Variants in LRCH2 observed in about 807,000 individuals in gnomAD.
LRCH2 encodes leucine-rich repeat and calponin homology domain-containing protein 2.
A neutral mutation model predicts 68.9 loss-of-function variants in LRCH2; 38 were observed. That is an observed-to-expected ratio of 0.55 (90% CI 0.43 to 0.72). The LOEUF (loss-of-function observed/expected upper bound fraction) is 0.72. Among genes scored for constraint, LRCH2 ranks in the 30% least tolerant of loss-of-function variants. The probability of loss-of-function intolerance (pLI) is 0.00; values close to 1 mark genes in which losing one functional copy is unlikely to be tolerated. For missense variants in LRCH2, 528 were observed against 572.9 expected, an observed-to-expected ratio of 0.92 and a Z score of 0.80; for synonymous variants, 191 against 208.1, an observed-to-expected ratio of 0.92 and a Z score of 0.71.
chrX:115,113,277 A>T lies in LRCH2; in HGVS notation c.2237T>A (p.Val746Asp). The change falls in exon 21 of 21, where the codon GTC (valine) becomes GAC (aspartate). Residue 746 changes from valine (V) to aspartate (D), a missense_variant. Physicochemically the swap from Val to Asp is radical, Grantham distance 152. Coordinates refer to ENST00000317135, the MANE Select transcript of LRCH2 (RefSeq NM_020871.4). ...LEERGLVKVG[V>D]TVQALLELPT... ...TAATTCAAGGAGCGCCTGAACTGTG[A>T]CACCAACTTTCACAAGTCCTCGTTC... 1 of 1,198,220 alleles carries T rather than the reference A, an allele frequency of 8.3e-7. No homozygotes were observed. Among genetic ancestry groups the T allele is most frequent in the Non-Finnish European group, 1.1e-6 (1 of 886,707 alleles).
At chrX:115,211,172 C>A (rs782390412) in intron 1 of LRCH2, among the ~76,000 whole-genome samples, 1 of 111,455 alleles carries the variant, frequency 9.0e-6, no homozygotes, top group South Asian at 3.8e-4. Flanking sequence ...GAGTCAAGGG[C>A]AGAATTATAT....
intron 20 of LRCH2, among the ~76,000 whole-genome samples, chrX:115,121,632 G>A (rs148182614): frequency 1.4e-3 from 157 of 112,296 alleles, no homozygotes; most frequent in African/African-American, 4.4e-3. Flanking sequence ...CAGCCTGGGC[G>A]ACAGCGTGAG....
In LRCH2 at chrX:115,111,777, C is replaced by A. The variant is rs1556522817; in HGVS notation, c.*1439G>T. ...CAAAAAAAGTACAGTTGTTCCTATA[C>A]CATTTGGCACACTAGTTTTTTACCT... is the stretch of plus-strand genomic sequence containing the variant. On this transcript the variant is annotated 3_prime_UTR_variant, in exon 21 of 21. Coordinates refer to ENST00000317135, the MANE Select transcript of LRCH2 (RefSeq NM_020871.4). 2.1e-5 allele frequency: 2 copies of A among 96,310 alleles called. No individual in the cohort carries two copies. The highest frequency in any genetic ancestry group is 8.7e-5 in the African/African-American group (2 of 22,913). The allele number at this position is 96,310 out of a possible 1,213,427, so 7.9% of individuals were successfully genotyped here. A position where few individuals can be genotyped will look rare whatever the true frequency, so the allele number is the denominator to read the frequency against.
chrX:115,165,892 T>C lies in LRCH2; in HGVS notation c.1147A>G (p.Thr383Ala), dbSNP rs187677889. The change falls in exon 8 of 21, where the codon ACA becomes GCA. Residue 383 changes from threonine (T) to alanine (A), a missense_variant. By Grantham distance (58) the Thr-to-Ala change is moderately conservative (BLOSUM62 0). Transcript: ENST00000317135. ...ATTATGTGACTGTCATTTCTTGATG[T>C]CTGCTCTCTATTTGATTCTGAGACT... Reference protein sequence around the residue: ...SQVSESNREQTSRNDSHIIGS... With the variant: ...SQVSESNREQASRNDSHIIGS... 1.7e-6 allele frequency: 2 copies of C among 1,166,722 alleles called. No individual in the cohort carries two copies. Among genetic ancestry groups the C allele is most frequent in the East Asian group, 3.2e-5 (1 of 31,470 alleles).
At chrX:115,205,040 A>G (rs782422723) in intron 1 of LRCH2, among the ~76,000 whole-genome samples, 271 of 111,986 alleles carry the variant, frequency 2.4e-3, no homozygotes, top group African/African-American at 8.1e-3. Flanking sequence ...ACACAATTCT[A>G]CATGGCTGGG....
At chrX:115,117,696 T>C (rs1424029419) in intron 20 of LRCH2, among the ~76,000 whole-genome samples, 2 of 111,516 alleles carry the variant, frequency 1.8e-5, no homozygotes, top group African/African-American at 3.3e-5. Flanking sequence ...TAGAAAAATA[T>C]AATACATATT....
chrX:115,175,016 G>A (rs995439277), intron 5 of LRCH2, among the ~76,000 whole-genome samples: 5 of 111,483 alleles, frequency 4.5e-5, no homozygotes, highest in African/African-American at 6.5e-5. Context: ...GATCACCAAT[G>A]GCCAATGATG....
intron 8 of LRCH2, 33 bp downstream of exon 8, chrX:115,165,808 T>C (rs1335379610): frequency 1.9e-6 from 2 of 1,067,081 alleles, no homozygotes; most frequent in African/African-American, 3.8e-5. Flanking sequence ...GCTATGTACA[T>C]GAAACAAAAA....
intron 14 of LRCH2, among the ~76,000 whole-genome samples, chrX:115,132,713 A>G (rs1365451396): frequency 8.9e-6 from 1 of 111,801 alleles, no homozygotes; most frequent in Non-Finnish European, 1.9e-5. Context: ...CCAGTGTGCC[A>G]GAGAGCCACT....
At chrX:115,195,289 A>C (rs912696382) in intron 1 of LRCH2, among the ~76,000 whole-genome samples, 8 of 109,267 alleles carry the variant, frequency 7.3e-5, no homozygotes, top group Non-Finnish European at 1.5e-4. Flanking sequence ...ATCTCAAAAA[A>C]AAAAAAATTG....
At chrX:115,229,445 A>G (rs1313423407) in intron 1 of LRCH2, among the ~76,000 whole-genome samples, 1 of 111,861 alleles carries the variant, frequency 8.9e-6, no homozygotes, top group African/African-American at 3.2e-5. Context: ...ATATGAAAGT[A>G]CTTAAAAATG....
intron 11 of LRCH2, among the ~76,000 whole-genome samples, chrX:115,158,598 C>T (rs1431937781): frequency 5.4e-5 from 6 of 112,005 alleles, no homozygotes; most frequent in Admixed American, 9.5e-5. Context: ...TTCATAATTG[C>T]TTTTTGTTAT....
intron 12 of LRCH2, among the ~76,000 whole-genome samples, chrX:115,154,875 TG>T (rs2072460696): frequency 9.3e-6 from 1 of 107,953 alleles, no homozygotes; most frequent in Admixed American, 1.0e-4. Flanking sequence ...ATAATACAAG[TG>T]GGCCAGGTGT....
chrX:115,216,022 A>T (rs921481661), intron 1 of LRCH2, among the ~76,000 whole-genome samples: 6 of 111,538 alleles, frequency 5.4e-5, no homozygotes, highest in African/African-American at 1.6e-4. Context: ...TATGTAAAAA[A>T]TATGCATATT....
chrX:115,168,551 C>T (rs2072582067), intron 6 of LRCH2, among the ~76,000 whole-genome samples: 1 of 111,488 alleles, frequency 9.0e-6, no homozygotes, highest in South Asian at 3.7e-4. Context: ...TTTCTTTTTA[C>T]TTTTTTCAAA....
chrX:115,155,061 A>AG (rs1491086384), intron 12 of LRCH2, among the ~76,000 whole-genome samples: 1 of 75,499 alleles, frequency 1.3e-5, no homozygotes, highest in African/African-American at 4.8e-5. Context: ...AAAAAAAAAA[A>AG]AGAGAGAGAG....
intron 6 of LRCH2, among the ~76,000 whole-genome samples, chrX:115,169,443 T>A (rs1167043809): frequency 8.9e-6 from 1 of 111,957 alleles, no homozygotes; most frequent in African/African-American, 3.2e-5. Context: ...ATACTGTTCA[T>A]AATATTAAAC....
chrX:115,189,583 T>TC, intron 1 of LRCH2: 2 of 1,170,618 alleles, frequency 1.7e-6, no homozygotes, highest in Non-Finnish European at 2.3e-6. Flanking sequence ...AACCAACAAG[T>TC]CGAGGGGCTT....
chrX:115,193,408 ATTT>A (rs1218596622), intron 1 of LRCH2, among the ~76,000 whole-genome samples: 1 of 108,284 alleles, frequency 9.2e-6, no homozygotes, highest in Non-Finnish European at 1.9e-5. Flanking sequence ...TTTTCCCACA[ATTT>A]TTTTTTTCTC....
Sources: allele counts gnomAD v4.1 joint callset (sites outside exome capture counted in the v4.1 genomes callset), GRCh38; gene constraint gnomAD v4.1.1; transcripts MANE v1.5; gene names NCBI Gene and HGNC (gene_info 2026-07-23, HGNC 2026-07-21).